TAF4: variants seen among roughly 807,000 people sequenced by gnomAD.
The protein encoded by TAF4 is transcription initiation factor TFIID subunit 4.
A neutral mutation model predicts 90.3 loss-of-function variants in TAF4; 9 were observed. The ratio of observed to expected loss-of-function variants is 0.10; its 90% CI spans 0.06 to 0.17. TAF4 has a LOEUF of 0.17. Ranked by LOEUF, TAF4 falls within the 10% of genes least tolerant of loss-of-function variation. TAF4 has a pLI of 1.00. For synonymous variants in TAF4, 818 were observed against 638.9 expected, an observed-to-expected ratio of 1.28 and a Z score of -4.23; for missense variants, 1,351 against 1,370.7, an observed-to-expected ratio of 0.99 and a Z score of 0.23.
In TAF4 at chr20:62,065,590, C is replaced by T. The variant is rs2056126397; in HGVS notation, c.221G>A (p.Gly74Glu). 60 of 983,406 alleles carry T rather than the reference C, an allele frequency of 6.1e-5. No individual in the cohort carries two copies. The highest frequency in any genetic ancestry group is 7.2e-5 in the Non-Finnish European group (60 of 831,052). The allele number at this position is 983,406 out of a possible 1,614,324, so 60.9% of individuals were successfully genotyped here. Residue 74 changes from glycine to glutamate, a missense_variant, in exon 1 of 15, where the codon GGG (glycine) becomes GAG (glutamate). This residue lies in a region of TAF4 where 782 missense variants were observed against 536.6 expected (regional missense o/e 1.46). Transcript: ENST00000252996. Reference protein sequence around the residue: ...SGSPAGAAGAGPAAPAEGAPG... With the variant: ...SGSPAGAAGAEPAAPAEGAPG... ...CGCGCCCTCGGCGGGGGCGGCCGGC[C>T]CTGCGCCCGCGGCTCCGGCCGGGCT...
chr20:61,987,721 A>T (rs1031652652), intron 14 of TAF4, among the ~76,000 whole-genome samples: 3 of 152,352 alleles, frequency 2.0e-5, no homozygotes. Flanking sequence ...GCTCCTTGGT[A>T]TTTACCCAAA....
intron 1 of TAF4, among the ~76,000 whole-genome samples, chr20:62,039,422 C>G (rs138123436): frequency 7.2e-5 from 11 of 152,326 alleles, no homozygotes; most frequent in South Asian, 4.1e-4. Flanking sequence ...CCCTACCTTA[C>G]AACTCTCCCA....
At chr20:61,983,497 C>T (rs552636351) in intron 14 of TAF4, among the ~76,000 whole-genome samples, 86 of 152,118 alleles carry the variant, frequency 5.7e-4, no homozygotes, top group African/African-American at 1.9e-3. Flanking sequence ...CCCATTCCTA[C>T]AAAATATTTT....
chr20:61,977,124 C>T (rs1195244164), intron 14 of TAF4, among the ~76,000 whole-genome samples: 1 of 147,110 alleles, frequency 6.8e-6, no homozygotes, highest in Non-Finnish European at 1.5e-5. Context: ...CACACGACAC[C>T]GCCCAGCGGG....
intron 1 of TAF4, among the ~76,000 whole-genome samples, chr20:62,042,149 A>G (rs190063083): frequency 5.9e-5 from 9 of 152,268 alleles, no homozygotes; most frequent in African/African-American, 1.9e-4. Context: ...TGGTGCCCAT[A>G]TAAACCCCAA....
In TAF4 at chr20:62,065,355, G is replaced by C; in HGVS notation, c.456C>G (p.Pro152=). 1.0e-6 allele frequency: 1 copy of C among 969,896 alleles called. No homozygotes were observed. Among genetic ancestry groups the C allele is most frequent in the Non-Finnish European group, 1.2e-6 (1 of 821,164 alleles). 60.1% of individuals were successfully genotyped at this position (969,896 alleles called of 1,614,324 possible). A position where few individuals can be genotyped will look rare whatever the true frequency, so the allele number is the denominator to read the frequency against. ...CGGGCTTGGCGGGGCCGGCGGGGGC[G>C]GGCTCGGGCCCCGCGGCGACGGCGG... is the stretch of plus-strand genomic sequence containing the variant. ...AAAAVAAGPE[P]APAGPAKPAG... The change falls in exon 1 of 15, where the codon CCC becomes CCG. Residue 152 remains proline, a synonymous_variant. Transcript: ENST00000252996.
intron 14 of TAF4, among the ~76,000 whole-genome samples, chr20:61,991,413 G>A (rs190452392): frequency 4.6e-5 from 7 of 151,078 alleles, no homozygotes; most frequent in East Asian, 2.0e-4. Flanking sequence ...GACAGAGGGA[G>A]ACTCTGTCTC....
intron 14 of TAF4, among the ~76,000 whole-genome samples, chr20:61,976,923 C>T (rs899742456): frequency 7.2e-5 from 11 of 152,210 alleles, no homozygotes; most frequent in Non-Finnish European, 1.3e-4. Flanking sequence ...AGGTGTCTCC[C>T]GAGCTGCCTC....
intron 14 of TAF4, among the ~76,000 whole-genome samples, chr20:61,996,915 A>G (rs1375225191): frequency 6.6e-6 from 1 of 152,214 alleles, no homozygotes; most frequent in Non-Finnish European, 1.5e-5. Flanking sequence ...CCTTCAAGCC[A>G]AAAGGAAATG....
intron 14 of TAF4, among the ~76,000 whole-genome samples, chr20:61,989,324 G>C (rs2055616215): frequency 6.6e-6 from 1 of 151,862 alleles, no homozygotes; most frequent in Non-Finnish European, 1.5e-5. Context: ...TGCAGAGTGG[G>C]CAGGGAAAGT....
At chr20:61,996,986 A>T (rs1034161078) in intron 14 of TAF4, among the ~76,000 whole-genome samples, 3 of 152,144 alleles carry the variant, frequency 2.0e-5, no homozygotes, top group African/African-American at 4.8e-5. Context: ...GCAAATAAGG[A>T]GGGAAACATA....
intron 3 of TAF4, among the ~76,000 whole-genome samples, chr20:62,011,889 C>A (rs772139947): frequency 6.6e-6 from 1 of 152,186 alleles, no homozygotes; most frequent in East Asian, 1.9e-4. Flanking sequence ...CCAAGAAAAA[C>A]CCCTGAACCA....
intron 1 of TAF4, among the ~76,000 whole-genome samples, chr20:62,030,604 T>C (rs1381977319): frequency 1.3e-5 from 2 of 152,204 alleles, no homozygotes; most frequent in African/African-American, 2.4e-5. Flanking sequence ...GGCTGGACAG[T>C]GCTGGGAAGG....
At chr20:62,055,274 C>G (rs538805702) in intron 1 of TAF4, among the ~76,000 whole-genome samples, 3 of 150,322 alleles carry the variant, frequency 2.0e-5, no homozygotes, top group Non-Finnish European at 4.4e-5. Flanking sequence ...TCCTGCAAGA[C>G]GATCGATTCA....
In TAF4 at chr20:62,064,911, G is replaced by A. The variant is rs1418800540; in HGVS notation, c.900C>T (p.Pro300=). The A allele has an allele frequency of 4.4e-6, 3 of 687,844 alleles. No homozygotes were observed. The highest frequency in any genetic ancestry group is 4.0e-5 in the African/African-American group (2 of 49,756). 42.6% of individuals were successfully genotyped at this position (687,844 alleles called of 1,614,324 possible). ...PPTAAPAVPP[P]AAAQNGGSAG... is the part of the protein sequence containing the mutation. ...CGCTGCCCCCGTTCTGGGCGGCGGCGGGGGGCGGCACGGCGGGCGCGGCGG... is the reference window on the plus strand; with the variant it reads ...CGCTGCCCCCGTTCTGGGCGGCGGCAGGGGGCGGCACGGCGGGCGCGGCGG... The change falls in exon 1 of 15, where the codon CCC becomes CCT. Residue 300 remains proline, a synonymous_variant. Coordinates refer to ENST00000252996, the MANE Select transcript of TAF4 (RefSeq NM_003185.4).
chr20:62,023,514 G>A lies in TAF4; in HGVS notation c.1361-8807C>T, dbSNP rs145115091. 6.8e-3 allele frequency among the ~76,000 whole-genome samples: 1,024 copies of A among 151,036 alleles called. 10 individuals are homozygous for A. The highest frequency in any genetic ancestry group is 0.024 in the African/African-American group (974 of 41,114). ...AGAAAGCTCAGCACTTCGGAAGGCC[G>A]AGGCGGGGAGACTGCTTGGGCTCAG... On this transcript the variant is annotated intron_variant, in intron 1 of 14. Coordinates refer to ENST00000252996, the MANE Select transcript of TAF4 (RefSeq NM_003185.4).
In TAF4 at chr20:62,065,602, G is replaced by C. The variant is rs1462353677; in HGVS notation, c.209C>G (p.Ala70Gly). ...GGGGGCGGCCGGCCCTGCGCCCGCG[G>C]CTCCGGCCGGGCTGCCGCTCACAAC... The part of the protein sequence containing the change: ...NHVVSGSPAG[A>G]AGAGPAAPAE... Residue 70 changes from alanine to glycine, a missense_variant, in exon 1 of 15, where the codon GCC becomes GGC. Ala to Gly is a moderately conservative substitution (Grantham distance 60). Coordinates refer to ENST00000252996, the MANE Select transcript of TAF4 (RefSeq NM_003185.4). The C allele has an allele frequency of 1.0e-6, 1 of 992,562 alleles. No homozygotes were observed. The highest frequency in any genetic ancestry group is 6.2e-5 in the Admixed American group (1 of 16,022). 61.5% of individuals were successfully genotyped at this position (992,562 alleles called of 1,614,324 possible).
In TAF4 at chr20:61,974,986, A is replaced by C. The variant is rs2123080315; in HGVS notation, c.*1182T>G. 1 of 152,596 alleles carries C rather than the reference A, an allele frequency of 6.6e-6. No individual in the cohort carries two copies. Among genetic ancestry groups the C allele is most frequent in the African/African-American group, 2.4e-5 (1 of 41,578 alleles). 9.5% of individuals were successfully genotyped at this position (152,596 alleles called of 1,614,324 possible). ...CAAAATAAAAGGTGTAACAGTTCTC[A>C]GGTGTTGATAAAAAATACTGATCAG... is the stretch of plus-strand genomic sequence containing the variant. On this transcript the variant is annotated 3_prime_UTR_variant, in exon 15 of 15. Transcript: ENST00000252996. The surrounding 1 kb of genome is among the most constrained non-coding windows in gnomAD (Gnocchi z 4.1).
intron 1 of TAF4, among the ~76,000 whole-genome samples, chr20:62,043,506 G>A (rs1406184352): frequency 6.6e-6 from 1 of 152,092 alleles, no homozygotes; most frequent in African/African-American, 2.4e-5. Context: ...CCTAAGCATA[G>A]AGTGCCCCAG....
Sources: allele counts gnomAD v4.1 joint callset (sites outside exome capture counted in the v4.1 genomes callset), GRCh38; gene constraint gnomAD v4.1.1; regional missense constraint gnomAD v4.1.1; non-coding constraint Gnocchi (gnomAD v3.1); transcripts MANE v1.5; gene names NCBI Gene and HGNC (gene_info 2026-07-23, HGNC 2026-07-21).